Variants in MAGT1 observed in about 807,000 individuals in gnomAD.
MAGT1 encodes the protein magnesium transporter 1.
A neutral mutation model predicts 28.4 loss-of-function variants in MAGT1; 4 were observed. That is an observed-to-expected ratio of 0.14 (90% CI 0.07 to 0.32). The LOEUF (loss-of-function observed/expected upper bound fraction) is 0.32, where lower values mean the gene tolerates loss of function less well. MAGT1 is among the 10% of genes least tolerant of loss of function. The probability of loss-of-function intolerance (pLI) is 1.00; values close to 1 mark genes in which losing one functional copy is unlikely to be tolerated. For missense variants in MAGT1, 193 were observed against 264.5 expected, an observed-to-expected ratio of 0.73 and a Z score of 1.88; for synonymous variants, 89 against 89.7, an observed-to-expected ratio of 0.99 and a Z score of 0.04.
chrX:77,832,931 A>G (rs987856558), intron 8 of MAGT1, among the ~76,000 whole-genome samples: 1 of 110,710 alleles, frequency 9.0e-6, no homozygotes, highest in Non-Finnish European at 1.9e-5. Context: ...ACACAATATG[A>G]CTAGGGCTTA....
At chrX:77,883,982 CA>C (rs782433019) in intron 1 of MAGT1, among the ~76,000 whole-genome samples, 1 of 110,805 alleles carries the variant, frequency 9.0e-6, no homozygotes, top group Non-Finnish European at 1.9e-5. Context: ...CACTTGATGT[CA>C]GGAGTTTGAG....
upstream of MAGT1, chrX:77,895,531 G>A: frequency 8.8e-7 from 1 of 1,141,805 alleles, no homozygotes; most frequent in East Asian, 3.3e-5. Context: ...CCTGCCGGGA[G>A]ACCCCTCACA....
chrX:77,855,903 T>A (rs1331284122), intron 5 of MAGT1, among the ~76,000 whole-genome samples: 1 of 109,288 alleles, frequency 9.2e-6, no homozygotes, highest in East Asian at 2.9e-4. Flanking sequence ...CCTGAGTAGC[T>A]GGGACTATAG....
At chrX:77,844,763 T>A (rs2076945951) in intron 7 of MAGT1, among the ~76,000 whole-genome samples, 1 of 111,560 alleles carries the variant, frequency 9.0e-6, no homozygotes, top group Non-Finnish European at 1.9e-5. Context: ...TCTGAGTGAG[T>A]TTCTTAATCC....
chrX:77,837,818 C>T (rs1437951502), intron 8 of MAGT1, among the ~76,000 whole-genome samples: 1 of 111,684 alleles, frequency 9.0e-6, no homozygotes, highest in Non-Finnish European at 1.9e-5. Flanking sequence ...TCTCGGCTCA[C>T]TGCAACTTCC....
chrX:77,884,722 T>C (rs1191665495), intron 1 of MAGT1, among the ~76,000 whole-genome samples: 1 of 106,639 alleles, frequency 9.4e-6, no homozygotes, highest in Admixed American at 1.0e-4. Context: ...CAACCAAAAA[T>C]ATCTCCACAC....
Position 77,889,532 on chromosome X carries a change from C to T in MAGT1, c.102+5777G>A, listed in dbSNP as rs781945021. The stretch of plus-strand genomic sequence containing the variant: ...GACTACAGGCGCCCGCCACCACGCC[C>T]GGCTAATTTTTTGTATTTTTAGTAG... On this transcript the variant is annotated intron_variant, in intron 1 of 9. Transcript: ENST00000618282. Among the ~76,000 whole-genome samples, 42 of 107,332 alleles carry T rather than the reference C, an allele frequency of 3.9e-4. No individual in the cohort carries two copies. The East Asian group carries it at 0.011, about 27-fold the overall frequency. The allele number at this position is 107,332 out of a possible 115,157, so 93.2% of individuals were successfully genotyped here. A position where few individuals can be genotyped will look rare whatever the true frequency, so the allele number is the denominator to read the frequency against.
intron 8 of MAGT1, among the ~76,000 whole-genome samples, chrX:77,832,318 A>G (rs1465645492): frequency 9.0e-6 from 1 of 111,118 alleles, no homozygotes; most frequent in African/African-American, 3.3e-5. Context: ...GGGGTGTCCA[A>G]TCTTTTGGCT....
intron 2 of MAGT1, among the ~76,000 whole-genome samples, chrX:77,873,840 T>C (rs1338455509): frequency 2.7e-5 from 3 of 111,623 alleles, no homozygotes; most frequent in Admixed American, 9.6e-5. Flanking sequence ...TGCTGTGCAA[T>C]AGATCACCAG....
intron 1 of MAGT1, among the ~76,000 whole-genome samples, chrX:77,883,818 C>T (rs781799577): frequency 9.1e-6 from 1 of 109,890 alleles, no homozygotes; most frequent in Non-Finnish European, 1.9e-5. Flanking sequence ...GCTGGGATTA[C>T]AGGCATGAAC....
intron 8 of MAGT1, among the ~76,000 whole-genome samples, chrX:77,836,012 A>G (rs1557213886): frequency 9.0e-6 from 1 of 111,221 alleles, no homozygotes; most frequent in East Asian, 2.8e-4. Context: ...CACGTTGGCC[A>G]GGGTAGTCTA....
At chrX:77,868,432 T>G in intron 3 of MAGT1, 2 of 109,932 alleles carry the variant, frequency 1.8e-5, no homozygotes, top group African/African-American at 3.5e-5. Context: ...AGGTCAGGAG[T>G]TTGAGACCAG....
chrX:77,853,135 C>T (rs1486247123), intron 7 of MAGT1, among the ~76,000 whole-genome samples: 2 of 111,627 alleles, frequency 1.8e-5, no homozygotes, highest in African/African-American at 6.5e-5. Context: ...TAGCTTGGGC[C>T]AAGAAAGTAA....
chrX:77,870,959 A>G (rs782219539), intron 2 of MAGT1, 34 bp from the exon 3 acceptor site: 1 of 1,047,740 alleles, frequency 9.5e-7, no homozygotes, highest in Non-Finnish European at 1.3e-6. Flanking sequence ...GATAACATAT[A>G]AAACAATTTT....
intron 8 of MAGT1, among the ~76,000 whole-genome samples, chrX:77,838,495 C>T (rs140190079): frequency 0.015 from 1,672 of 109,362 alleles, 11 homozygotes; most frequent in Admixed American, 0.025. Context: ...CACGGTGGCT[C>T]ACGCCTATAA....
rs782353801 is a variant in MAGT1 at position 77,861,903 on chromosome X, G to A, written c.391-4406C>T. Among the ~76,000 whole-genome samples the A allele has an allele frequency of 5.4e-5, 6 of 111,345 alleles. No individual in the cohort carries two copies. In the East Asian group the frequency reaches 1.7e-3, roughly 31 times the overall value. ...GGTGGTTGTCAGGAACTGGGGGAGT[G>A]GGGAACTGAAGTTGTTTAATGGCTA... is the stretch of plus-strand genomic sequence containing the variant. On this transcript the variant is annotated intron_variant, in intron 3 of 9. Transcript: ENST00000618282.
chrX:77,876,174 T>A (rs1328989268), intron 1 of MAGT1, among the ~76,000 whole-genome samples: 42 of 76,431 alleles, frequency 5.5e-4, no homozygotes, highest in African/African-American at 1.4e-3. Flanking sequence ...ATTTTTTTTT[T>A]TTTTTTTTTT....
intron 1 of MAGT1, among the ~76,000 whole-genome samples, chrX:77,877,013 CAAAAAAAAAAA>C (rs782800456): frequency 0.017 from 178 of 10,653 alleles, 4 homozygotes; most frequent in African/African-American, 0.043. Flanking sequence ...AACTCCATCT[CAAAAAAAAAAA>C]AAAAAAAAAA....
intron 8 of MAGT1, among the ~76,000 whole-genome samples, chrX:77,834,226 G>A (rs782386970): frequency 1.1e-5 from 1 of 87,383 alleles, no homozygotes; most frequent in Non-Finnish European, 2.3e-5. Context: ...GTATATATAT[G>A]CATATATGTA....
Sources: gnomAD v4.1 joint callset for allele counts (sites outside exome capture counted in the v4.1 genomes callset) on GRCh38, gnomAD v4.1.1 for gene constraint, MANE v1.5 for transcripts, NCBI Gene and HGNC (gene_info 2026-07-23, HGNC 2026-07-21) for gene names.